TSHZ3: variants seen among roughly 807,000 people sequenced by gnomAD.
The protein encoded by TSHZ3 is teashirt homolog 3.
Under a neutral mutation model 64.5 loss-of-function variants are expected in TSHZ3, and 10 were observed. The ratio of observed to expected loss-of-function variants is 0.16; its 90% CI spans 0.10 to 0.26. The LOEUF (loss-of-function observed/expected upper bound fraction) is 0.26. Among genes scored for constraint, TSHZ3 ranks in the 10% least tolerant of loss-of-function variants. The probability of loss-of-function intolerance (pLI) is 1.00; values close to 1 mark genes in which losing one functional copy is unlikely to be tolerated. For synonymous variants in TSHZ3, 608 were observed against 593.1 expected (o/e 1.03, Z -0.36); for missense variants, 1,242 against 1,421.7 (o/e 0.87, Z 2.03).
chr19:31,335,141 T>C (rs1346048662), intron 1 of TSHZ3, among the ~76,000 whole-genome samples: 3 of 152,206 alleles, frequency 2.0e-5, no homozygotes, highest in Non-Finnish European at 4.4e-5. Flanking sequence ...TTTACTAGCA[T>C]TAAAGGTTGA....
chr19:31,176,157 G>A (rs139014348), intron 5 of TSHZ3, among the ~76,000 whole-genome samples: 163 of 152,272 alleles, frequency 1.1e-3, no homozygotes, highest in African/African-American at 1.4e-3. Flanking sequence ...ACTGAGGCAA[G>A]GCCAGGTGGT....
chr19:31,290,805 G>C (rs1976552027), intron 1 of TSHZ3, among the ~76,000 whole-genome samples: 1 of 152,198 alleles, frequency 6.6e-6, no homozygotes, highest in Admixed American at 6.5e-5. Flanking sequence ...CTGGGGGAAG[G>C]AAAAGTGGCT....
chr19:31,259,761 T>C (rs1471832345), intron 1 of TSHZ3, among the ~76,000 whole-genome samples: 1 of 152,102 alleles, frequency 6.6e-6, no homozygotes, highest in Non-Finnish European at 1.5e-5. Flanking sequence ...GGAGCTGCAT[T>C]TAGGGAAGAG....
chr19:31,170,582 T>C (rs1974523299), intron 5 of TSHZ3, among the ~76,000 whole-genome samples: 2 of 152,204 alleles, frequency 1.3e-5, no homozygotes, highest in Admixed American at 6.5e-5. Flanking sequence ...TCTGTTCTCA[T>C]TAGCTGTAAT....
chr19:31,313,822 G>C (rs1439119136), intron 1 of TSHZ3, among the ~76,000 whole-genome samples: 1 of 152,206 alleles, frequency 6.6e-6, no homozygotes, highest in Non-Finnish European at 1.5e-5. Context: ...ACTACCAGAA[G>C]TGGGGTATTA....
intron 4 of TSHZ3, among the ~76,000 whole-genome samples, chr19:31,224,954 A>G (rs1479622024): frequency 2.0e-5 from 3 of 152,196 alleles, no homozygotes; most frequent in Non-Finnish European, 4.4e-5. Context: ...TGTACGGCCT[A>G]GAAGCCCCAG....
intron 1 of TSHZ3, 43 bp downstream of exon 1, chr19:31,349,137 G>C (rs1056457125): frequency 1.0e-5 from 16 of 1,534,956 alleles, no homozygotes; most frequent in Non-Finnish European, 1.2e-5. Flanking sequence ...GCGAGCGGAG[G>C]AAGAGGAGGA....
rs3030229 is a variant in TSHZ3, at chr19:31,226,977, C to CTTTTTTTT, written n.686+1020_686+1027dup. On this transcript the variant is annotated intron_variant and non_coding_transcript_variant, in intron 4 of 6. Coordinates refer to the TSHZ3 transcript ENST00000651361. ...TTTTCTTCTCTTTCTTTCTTTCTTT[C>CTTTTTTTT]TTTTTTTTTTTTTTTTTTTGAGATG... Among the ~76,000 whole-genome samples the CTTTTTTTT allele has an allele frequency of 2.4e-3, 155 of 65,644 alleles. 9 individuals are homozygous for CTTTTTTTT. Among genetic ancestry groups the CTTTTTTTT allele is most frequent in the African/African-American group, 9.5e-3 (98 of 10,302 alleles). 43.1% of individuals were successfully genotyped at this position (65,644 alleles called of 152,430 possible).
chr19:31,169,788 G>C (rs950332865), intron 5 of TSHZ3, among the ~76,000 whole-genome samples: 4 of 152,148 alleles, frequency 2.6e-5, no homozygotes, highest in Non-Finnish European at 5.9e-5. Flanking sequence ...GATGTGCAAA[G>C]TTCCAAAGAC....
In TSHZ3 at chr19:31,319,395, T is replaced by A. The variant is rs948585283; in HGVS notation, c.40+29785A>T. Among the ~76,000 whole-genome samples the A allele has an allele frequency of 3.9e-5, 6 of 152,136 alleles. No individual in the cohort carries two copies. In the South Asian group the frequency reaches 8.3e-4, roughly 21 times the overall value. ...TAAAGGTTTCATCAGTAATTTTTTT[T>A]AAAAAAAGCTACTCATATATATGAA... On this transcript the variant is annotated intron_variant, in intron 1 of 1. Transcript: ENST00000240587.
chr19:31,312,112 A>G (rs936034861), intron 1 of TSHZ3, among the ~76,000 whole-genome samples: 4 of 152,168 alleles, frequency 2.6e-5, no homozygotes, highest in Non-Finnish European at 5.9e-5. Flanking sequence ...GGTGACACCA[A>G]TGTTTCCCAG....
At chr19:31,344,466 GGCA>G (rs1211258725) in intron 1 of TSHZ3, among the ~76,000 whole-genome samples, 1 of 152,154 alleles carries the variant, frequency 6.6e-6, no homozygotes, top group Non-Finnish European at 1.5e-5. Flanking sequence ...ATGAAAATGG[GGCA>G]GGAGGAAAGC....
chr19:31,284,649 C>T (rs1007282016), intron 1 of TSHZ3, among the ~76,000 whole-genome samples: 5 of 152,258 alleles, frequency 3.3e-5, no homozygotes, highest in African/African-American at 7.2e-5. Context: ...GGAACCCACC[C>T]TTCCCCGGGC....
chr19:31,191,712 A>T (rs1406546738), intron 5 of TSHZ3, among the ~76,000 whole-genome samples: 1 of 152,002 alleles, frequency 6.6e-6, no homozygotes, highest in Non-Finnish European at 1.5e-5. Flanking sequence ...AAAAAAAATT[A>T]GCCGGGCATG....
At chr19:31,200,650 G>A (rs1204898906) in intron 5 of TSHZ3, among the ~76,000 whole-genome samples, 2 of 152,274 alleles carry the variant, frequency 1.3e-5, no homozygotes, top group East Asian at 3.9e-4. Flanking sequence ...CTACGATGTT[G>A]CATACTCATT....
Position 31,233,386 on chromosome 19 carries a change from G to A in TSHZ3, n.551-5246C>T, listed in dbSNP as rs116683360. Among the ~76,000 whole-genome samples, 916 of 152,224 alleles carry A rather than the reference G, an allele frequency of 6.0e-3. 12 individuals are homozygous for A. Among genetic ancestry groups the A allele is most frequent in the African/African-American group, 0.021 (875 of 41,528 alleles). ...TTTCATTCACTCATTGGCCAATTGT[G>A]TATCTTCTTTTGTGAAATGCCTATT... On this transcript the variant is annotated intron_variant and non_coding_transcript_variant, in intron 3 of 6. Coordinates refer to the TSHZ3 transcript ENST00000651361.
chr19:31,225,496 C>T (rs1469046354), intron 4 of TSHZ3, among the ~76,000 whole-genome samples: 1 of 152,150 alleles, frequency 6.6e-6, no homozygotes, highest in African/African-American at 2.4e-5. Context: ...GGCCTCAAAC[C>T]CCAATCTTGG....
At chr19:31,262,358 G>A (rs1243470761) in intron 1 of TSHZ3, among the ~76,000 whole-genome samples, 1 of 152,140 alleles carries the variant, frequency 6.6e-6, no homozygotes, top group Admixed American at 6.5e-5. Context: ...CAAATGTCTT[G>A]CTTCTTTTTC....
intron 1 of TSHZ3, among the ~76,000 whole-genome samples, chr19:31,290,721 G>T (rs2145129277): frequency 6.6e-6 from 1 of 152,208 alleles, no homozygotes; most frequent in Admixed American, 6.5e-5. Flanking sequence ...AGGCATCGCT[G>T]CTGGGCTTTG....
Sources: gnomAD v4.1 joint callset for allele counts (sites outside exome capture counted in the v4.1 genomes callset) on GRCh38, gnomAD v4.1.1 for gene constraint, MANE v1.5 for transcripts, NCBI Gene and HGNC (gene_info 2026-07-23, HGNC 2026-07-21) for gene names.